Variants in TBC1D22A observed in about 807,000 individuals in gnomAD.
TBC1D22A encodes the protein TBC1 domain family member 22A.
TBC1D22A carries 38 observed loss-of-function variants against 60.2 expected under a neutral mutation model. The ratio of observed to expected loss-of-function variants is 0.63; its 90% CI spans 0.49 to 0.83. The LOEUF (loss-of-function observed/expected upper bound fraction) is 0.83, where lower values mean the gene tolerates loss of function less well. Ranked by LOEUF, TBC1D22A falls within the 40% of genes least tolerant of loss-of-function variation. The pLI is 0.00. For synonymous variants in TBC1D22A, 302 were observed against 281.7 expected (o/e 1.07, Z -0.72); for missense variants, 628 against 701.0 (o/e 0.90, Z 1.18).
intron 8 of TBC1D22A, among the ~76,000 whole-genome samples, chr22:46,972,093 G>A (rs1426974975): frequency 6.6e-6 from 1 of 152,206 alleles, no homozygotes; most frequent in Admixed American, 6.5e-5. Flanking sequence ...CTTTTAGGGT[G>A]AAAACATGGG....
At chr22:46,992,383 ACT>A (rs919492705) in intron 9 of TBC1D22A, among the ~76,000 whole-genome samples, 4 of 152,176 alleles carry the variant, frequency 2.6e-5, no homozygotes, top group African/African-American at 9.7e-5. Context: ...GCATGCGGAC[ACT>A]CTCTGCTTGG....
At chr22:47,025,207 T>C (rs1282248278) in intron 10 of TBC1D22A, among the ~76,000 whole-genome samples, 1 of 152,198 alleles carries the variant, frequency 6.6e-6, no homozygotes, top group Non-Finnish European at 1.5e-5. Flanking sequence ...TTAGAACAAG[T>C]AGAAAATCAG....
intron 8 of TBC1D22A, among the ~76,000 whole-genome samples, chr22:46,929,637 T>A (rs1055692686): frequency 2.0e-4 from 30 of 152,172 alleles, no homozygotes; most frequent in Non-Finnish European, 1.3e-4. Context: ...TACTGACATG[T>A]GAGTTTTCAA....
At chr22:46,998,640 T>C (rs1222278537) in intron 10 of TBC1D22A, among the ~76,000 whole-genome samples, 2 of 152,240 alleles carry the variant, frequency 1.3e-5, no homozygotes, top group Non-Finnish European at 2.9e-5. Context: ...GGAAGGGCGC[T>C]CGGTTTGGGA....
chr22:46,998,838 T>C (rs1331071643), intron 10 of TBC1D22A, among the ~76,000 whole-genome samples: 2 of 152,266 alleles, frequency 1.3e-5, no homozygotes, highest in Admixed American at 6.5e-5. Context: ...CATCATCTGT[T>C]AAAAATACCG....
At chr22:47,150,921 G>A (rs567289758) in intron 12 of TBC1D22A, among the ~76,000 whole-genome samples, 70 of 152,204 alleles carry the variant, frequency 4.6e-4, no homozygotes, top group Non-Finnish European at 7.9e-4. Flanking sequence ...TGGCCCTCAC[G>A]TGGCGTGCAT....
chr22:47,114,354 CAG>C (rs1019928581), intron 12 of TBC1D22A, among the ~76,000 whole-genome samples: 16 of 152,042 alleles, frequency 1.1e-4, no homozygotes, highest in African/African-American at 3.6e-4. Flanking sequence ...GAGGCGCTGG[CAG>C]AGGAGCCATG....
chr22:47,123,325 C>T (rs546489406), intron 12 of TBC1D22A, among the ~76,000 whole-genome samples: 3 of 152,272 alleles, frequency 2.0e-5, no homozygotes, highest in African/African-American at 7.2e-5. Flanking sequence ...GGGTTTCAGG[C>T]CGTGGTTTTG....
chr22:47,083,348 GACACACACACAC>G lies in TBC1D22A; in HGVS notation c.1330-28137_1330-28126del, dbSNP rs10549216. Among the ~76,000 whole-genome samples, 32 of 148,672 alleles carry G rather than the reference GACACACACACAC, an allele frequency of 2.2e-4. No homozygotes were observed. The South Asian group carries it at 2.6e-3, about 12-fold the overall frequency. ...TGTTGAAATCTAGAAATACTTAGAA[GACACACACACAC>G]ACACACACACACACACACACACGAG... On this transcript the variant is annotated intron_variant, in intron 11 of 12. Transcript: ENST00000337137.
chr22:46,944,649 T>C lies in TBC1D22A; in HGVS notation c.1016-29641T>C, dbSNP rs544513113. ...TCATGACCTTGTAATCTGCCCACCT[T>C]GGCCTCCCAAAGTGCTGGGATTATA... On this transcript the variant is annotated intron_variant, in intron 8 of 12. Transcript: ENST00000337137. 1.2e-4 allele frequency among the ~76,000 whole-genome samples: 18 copies of C among 152,320 alleles called. No individual in the cohort carries two copies. The South Asian group carries it at 1.7e-3, about 14-fold the overall frequency.
intron 12 of TBC1D22A, among the ~76,000 whole-genome samples, chr22:47,121,900 C>T (rs555779856): frequency 3.9e-5 from 6 of 152,214 alleles, no homozygotes; most frequent in African/African-American, 1.2e-4. Flanking sequence ...TGTCGCACTG[C>T]GCCCGCCCCT....
At chr22:46,891,599 G>A (rs1025022622) in intron 6 of TBC1D22A, among the ~76,000 whole-genome samples, 20 of 152,162 alleles carry the variant, frequency 1.3e-4, no homozygotes, top group Admixed American at 4.6e-4. Context: ...TATCTTGCTT[G>A]TCTTCAGTTC....
At chr22:47,105,761 C>G (rs910998192) in intron 11 of TBC1D22A, among the ~76,000 whole-genome samples, 7 of 152,132 alleles carry the variant, frequency 4.6e-5, no homozygotes, top group Admixed American at 3.9e-4. Flanking sequence ...TCCCACCCCC[C>G]CACTCCCCAA....
Position 46,856,915 on chromosome 22 carries a change from G to A in TBC1D22A, c.638-21738G>A, listed in dbSNP as rs550843286. ...CCAGAAATGAAATTACTGGCTCAGA[G>A]GGTGCAAGCATTTGAAATGAGGTTG... On this transcript the variant is annotated intron_variant, in intron 4 of 12. Coordinates refer to ENST00000337137, the MANE Select transcript of TBC1D22A (RefSeq NM_014346.5). 2.6e-5 allele frequency among the ~76,000 whole-genome samples: 4 copies of A among 152,374 alleles called. No homozygotes were observed. The South Asian group carries it at 8.3e-4, about 32-fold the overall frequency.
intron 12 of TBC1D22A, among the ~76,000 whole-genome samples, chr22:47,140,324 C>A (rs2067031635): frequency 6.6e-6 from 1 of 152,016 alleles, no homozygotes; most frequent in Non-Finnish European, 1.5e-5. Context: ...GTAATCCCAG[C>A]ACTTTGGGAG....
At chr22:47,099,871 C>T (rs1413769533) in intron 11 of TBC1D22A, among the ~76,000 whole-genome samples, 2 of 152,188 alleles carry the variant, frequency 1.3e-5, no homozygotes, top group Admixed American at 6.5e-5. Flanking sequence ...ACTGTTTTCT[C>T]GTCTATAGAG....
intron 12 of TBC1D22A, among the ~76,000 whole-genome samples, chr22:47,114,145 G>A (rs2065946664): frequency 6.6e-6 from 1 of 152,114 alleles, no homozygotes; most frequent in African/African-American, 2.4e-5. Context: ...GTGCAGCGTG[G>A]GCAGCTGATT....
chr22:46,989,953 C>T (rs1404741045), intron 9 of TBC1D22A, among the ~76,000 whole-genome samples: 1 of 152,122 alleles, frequency 6.6e-6, no homozygotes, highest in Non-Finnish European at 1.5e-5. Flanking sequence ...TAGGTGCTTG[C>T]CACCACACCT....
At chr22:46,892,307 A>G (rs1475530038) in intron 6 of TBC1D22A, among the ~76,000 whole-genome samples, 1 of 151,912 alleles carries the variant, frequency 6.6e-6, no homozygotes, top group Non-Finnish European at 1.5e-5. Flanking sequence ...AAAAAAAAAA[A>G]AAGTCCAAAT....
Sources: allele counts gnomAD v4.1 joint callset (sites outside exome capture counted in the v4.1 genomes callset), GRCh38; gene constraint gnomAD v4.1.1; transcripts MANE v1.5; gene names NCBI Gene and HGNC (gene_info 2026-07-23, HGNC 2026-07-21).